The following MPPED2 variants were observed in gnomAD, a reference collection of about 807,000 sequenced individuals.
MPPED2 encodes metallophosphoesterase MPPED2.
In MPPED2, 5 loss-of-function variants were observed where a neutral mutation model predicts 33.0. That is an observed-to-expected ratio of 0.15 (90% CI 0.08 to 0.32). MPPED2 has a LOEUF of 0.32. Among genes scored for constraint, MPPED2 ranks in the 10% least tolerant of loss-of-function variants. The pLI, the probability that MPPED2 is intolerant of heterozygous loss-of-function variation, is 1.00. For synonymous variants in MPPED2, 136 were observed against 141.9 expected, an observed-to-expected ratio of 0.96 and a Z score of 0.29; for missense variants, 275 against 372.1, an observed-to-expected ratio of 0.74 and a Z score of 2.15.
At chr11:30,473,946 G>C (rs1951063447) in intron 4 of MPPED2, among the ~76,000 whole-genome samples, 1 of 152,224 alleles carries the variant, frequency 6.6e-6, no homozygotes, top group Admixed American at 6.5e-5. Flanking sequence ...GTCATGCCTT[G>C]AAATGAGACC....
At chr11:30,414,134 A>T in intron 6 of MPPED2, 94 bp downstream of exon 6, 2 of 820,654 alleles carry the variant, frequency 2.4e-6, no homozygotes, top group Non-Finnish European at 2.1e-6. Flanking sequence ...GCTGCTAAAA[A>T]GTTTGAAAAC....
At chr11:30,506,236 G>A (rs188483920) in intron 3 of MPPED2, among the ~76,000 whole-genome samples, 5 of 151,914 alleles carry the variant, frequency 3.3e-5, no homozygotes, top group South Asian at 2.1e-4. Flanking sequence ...ACAGGGTTTC[G>A]CAATGTTGGC....
At chr11:30,519,695 T>C (rs536378681) in intron 3 of MPPED2, among the ~76,000 whole-genome samples, 20 of 152,260 alleles carry the variant, frequency 1.3e-4, no homozygotes, top group African/African-American at 4.8e-4. Flanking sequence ...AAATATCAGT[T>C]AGGTTTCCTA....
chr11:30,459,827 T>C (rs1448888737), intron 4 of MPPED2, among the ~76,000 whole-genome samples: 1 of 152,210 alleles, frequency 6.6e-6, no homozygotes, highest in Non-Finnish European at 1.5e-5. Context: ...AACATGTGTA[T>C]TGTAGTTAAT....
chr11:30,554,533 T>C (rs1237323860), intron 2 of MPPED2, among the ~76,000 whole-genome samples: 1 of 152,186 alleles, frequency 6.6e-6, no homozygotes, highest in African/African-American at 2.4e-5. Flanking sequence ...CTCACTCTGT[T>C]ACCCAGGGTG....
Position 30,512,579 on chromosome 11 carries a change from C to T in MPPED2, c.311-17058G>A, listed in dbSNP as rs767939487. ...ACACCACATTTCTAGCCCCTCAGGG[C>T]CCTTGGAAAAATCACTGCCCCAGAA... is the stretch of plus-strand genomic sequence containing the variant. On this transcript the variant is annotated intron_variant, in intron 3 of 6. Coordinates refer to ENST00000358117, the MANE Select transcript of MPPED2 (RefSeq NM_001584.3). Among the ~76,000 whole-genome samples the T allele has an allele frequency of 7.2e-5, 11 of 152,284 alleles. No homozygotes were observed. The East Asian group carries it at 2.1e-3, about 29-fold the overall frequency.
chr11:30,464,501 T>C (rs911124068), intron 4 of MPPED2, among the ~76,000 whole-genome samples: 29 of 128,770 alleles, frequency 2.3e-4, no homozygotes, highest in African/African-American at 8.1e-4. Context: ...CTTTAGTTTC[T>C]TGTTGTACTT....
intron 2 of MPPED2, among the ~76,000 whole-genome samples, chr11:30,556,380 CATGCTT>C (rs1955963172): frequency 6.6e-6 from 1 of 152,150 alleles, no homozygotes; most frequent in Admixed American, 6.5e-5. Context: ...CATCCTAGGT[CATGCTT>C]CTCTATAGAA....
chr11:30,432,594 G>A (rs774072656), intron 4 of MPPED2, among the ~76,000 whole-genome samples: 3 of 152,130 alleles, frequency 2.0e-5, no homozygotes, highest in African/African-American at 7.2e-5. Context: ...GCATGCCTGT[G>A]CAAAGTAATG....
intron 2 of MPPED2, among the ~76,000 whole-genome samples, chr11:30,558,720 C>A: frequency 6.6e-6 from 1 of 151,972 alleles, no homozygotes; most frequent in East Asian, 1.9e-4. Flanking sequence ...CCTTGCCCAG[C>A]CCTTCCTTCT....
intron 2 of MPPED2, among the ~76,000 whole-genome samples, chr11:30,579,642 A>G (rs143504524): frequency 0.018 from 2,677 of 152,230 alleles, 30 homozygotes; most frequent in Non-Finnish European, 0.028. Context: ...GGAAAGTACA[A>G]TTCCTGGAAC....
At chr11:30,438,157 G>A (rs1399445088) in intron 4 of MPPED2, among the ~76,000 whole-genome samples, 3 of 152,162 alleles carry the variant, frequency 2.0e-5, no homozygotes, top group Admixed American at 2.0e-4. Flanking sequence ...GCCCTACTAT[G>A]TGTCAGAGAT....
downstream of MPPED2, among the ~76,000 whole-genome samples, chr11:30,407,879 G>GTAAATAAATAAATAAA (rs554823185): frequency 2.4e-4 from 36 of 151,910 alleles, no homozygotes; most frequent in African/African-American, 8.2e-4. Context: ...AAATAAATAA[G>GTAAATAAATAAATAAA]TAAATAAATA....
chr11:30,493,771 A>G (rs1183980135), intron 4 of MPPED2, among the ~76,000 whole-genome samples: 2 of 152,132 alleles, frequency 1.3e-5, no homozygotes, highest in East Asian at 3.8e-4. Flanking sequence ...CCCTAAGCAA[A>G]CTATCCGATA....
intron 3 of MPPED2, among the ~76,000 whole-genome samples, chr11:30,503,999 C>A (rs1952691561): frequency 6.6e-6 from 1 of 152,128 alleles, no homozygotes; most frequent in Non-Finnish European, 1.5e-5. Flanking sequence ...TATAGTCAGA[C>A]CTGTTATCAC....
chr11:30,586,420 C>T (rs1375782963), upstream of MPPED2: 3 of 152,532 alleles, frequency 2.0e-5, no homozygotes, highest in Non-Finnish European at 4.4e-5. This position sits in a 1 kb window ranked among gnomAD's most constrained non-coding sequence, Gnocchi z 4.8. Flanking sequence ...GGCGCCGCTC[C>T]GTGCGCGCTC....
intron 4 of MPPED2, among the ~76,000 whole-genome samples, chr11:30,484,422 T>A (rs1394370836): frequency 6.6e-6 from 1 of 152,166 alleles, no homozygotes; most frequent in Non-Finnish European, 1.5e-5. Flanking sequence ...CAAAACAGTC[T>A]TCCCATATCC....
At chr11:30,519,609 G>A (rs1953739976) in intron 3 of MPPED2, among the ~76,000 whole-genome samples, 1 of 151,948 alleles carries the variant, frequency 6.6e-6, no homozygotes, top group South Asian at 2.1e-4. Flanking sequence ...AGGCTCTGTG[G>A]TTACATTGCT....
intron 3 of MPPED2, among the ~76,000 whole-genome samples, chr11:30,517,870 C>G (rs1035856384): frequency 1.3e-5 from 2 of 152,022 alleles, no homozygotes; most frequent in Non-Finnish European, 1.5e-5. Flanking sequence ...GAAATAAAAC[C>G]CTTCTTAAAA....
Sources: allele counts gnomAD v4.1 joint callset (sites outside exome capture counted in the v4.1 genomes callset), GRCh38; gene constraint gnomAD v4.1.1; non-coding constraint Gnocchi (gnomAD v3.1); transcripts MANE v1.5; gene names NCBI Gene and HGNC (gene_info 2026-07-23, HGNC 2026-07-21).